Variants in ACOT12 observed in about 807,000 individuals in gnomAD.
ACOT12 encodes acetyl-coenzyme A thioesterase.
A neutral mutation model predicts 67.7 loss-of-function variants in ACOT12; 51 were observed. That is an observed-to-expected ratio of 0.75 (90% CI 0.60 to 0.95). The LOEUF (loss-of-function observed/expected upper bound fraction) is 0.95, where lower values mean the gene tolerates loss of function less well. Among genes scored for constraint, ACOT12 ranks in the 40% least tolerant of loss-of-function variants. The pLI is 0.00. For missense variants in ACOT12, 734 were observed against 708.1 expected (o/e 1.04, Z -0.41); for synonymous variants, 251 against 244.6 (o/e 1.03, Z -0.24).
intron 3 of ACOT12, among the ~76,000 whole-genome samples, chr5:81,366,847 A>G (rs909403154): frequency 6.6e-6 from 1 of 152,328 alleles, no homozygotes. Flanking sequence ...CACAGAATGT[A>G]GCATGAAGAG....
At chr5:81,354,701 T>C (rs1294234273) in intron 5 of ACOT12, among the ~76,000 whole-genome samples, 1 of 133,048 alleles carries the variant, frequency 7.5e-6, no homozygotes, top group Non-Finnish European at 1.7e-5. Context: ...TTATCAATTA[T>C]GTCTTTTTTT....
intron 1 of ACOT12, among the ~76,000 whole-genome samples, chr5:81,386,994 CATTTTTTTTTTTTTT>C (rs373297773): frequency 7.8e-6 from 1 of 128,480 alleles, no homozygotes; most frequent in African/African-American, 3.2e-5. Flanking sequence ...GGATGAGTTC[CATTTTTTTTTTTTTT>C]TTTTTTTTTC....
At chr5:81,332,088 G>A (rs563501621) in intron 13 of ACOT12, among the ~76,000 whole-genome samples, 17 of 152,298 alleles carry the variant, frequency 1.1e-4, no homozygotes, top group East Asian at 5.8e-4. Context: ...TACTCTGATC[G>A]ACAGCCCCAG....
intron 12 of ACOT12, among the ~76,000 whole-genome samples, chr5:81,334,559 C>T (rs528486867): frequency 3.9e-5 from 6 of 152,334 alleles, no homozygotes; most frequent in African/African-American, 1.4e-4. Flanking sequence ...GCCAATGTAA[C>T]ACGTGACCTC....
Position 81,346,097 on chromosome 5 carries a change from T to C in ACOT12, c.654-93A>G, listed in dbSNP as rs867971390. Reference sequence around the variant, plus strand: ...ACAAGTCTTCAAATAAGCATTTCTTTAAATTTGACTGAAATAAATAACTGG... The same window carrying C: ...ACAAGTCTTCAAATAAGCATTTCTTCAAATTTGACTGAAATAAATAACTGG... On this transcript the variant is annotated intron_variant, in intron 6 of 14. Coordinates refer to ENST00000307624, the MANE Select transcript of ACOT12 (RefSeq NM_130767.3). 2.6e-6 allele frequency: 4 copies of C among 1,532,742 alleles called. No individual in the cohort carries two copies. In the Middle Eastern group the frequency reaches 7.1e-4, roughly 271 times the overall value. 94.9% of individuals were successfully genotyped at this position (1,532,742 alleles called of 1,614,324 possible). A position where few individuals can be genotyped will look rare whatever the true frequency, so the allele number is the denominator to read the frequency against.
the ACOT12 span, among the ~76,000 whole-genome samples, chr5:81,310,973 TCCTACTTCTCAAGG>T: frequency 1.3e-5 from 2 of 152,216 alleles, no homozygotes; most frequent in South Asian, 4.1e-4. Flanking sequence ...CATTTCTTTT[TCCTACTTCTCAAGG>T]CCAGGTGCAA....
chr5:81,347,825 A>G lies in ACOT12; in HGVS notation c.602T>C (p.Phe201Ser). ...PPHANHHGNT[F>S]GGQIMAWMET... ...CATCCACGCCATAATCTGGCCACCA[A>G]ATGTATTTCCGTGATGGTTTGCATG... is the stretch of plus-strand genomic sequence containing the variant. The change falls in exon 6 of 15, where the codon TTT (phenylalanine) becomes TCT (serine). Residue 201 changes from phenylalanine to serine, a missense_variant. Coordinates refer to ENST00000307624, the MANE Select transcript of ACOT12 (RefSeq NM_130767.3). 1 of 1,614,138 alleles carries G rather than the reference A, an allele frequency of 6.2e-7. No individual in the cohort carries two copies. The highest frequency in any genetic ancestry group is 8.5e-7 in the Non-Finnish European group (1 of 1,180,014).
At chr5:81,357,360 G>C (rs556902595) in intron 5 of ACOT12, among the ~76,000 whole-genome samples, 9 of 152,286 alleles carry the variant, frequency 5.9e-5, no homozygotes, top group African/African-American at 2.2e-4. Context: ...TGGCAAGCAG[G>C]TTCCTGGCAC....
the ACOT12 span, among the ~76,000 whole-genome samples, chr5:81,320,156 A>G: frequency 6.6e-6 from 1 of 152,240 alleles, no homozygotes; most frequent in Non-Finnish European, 1.5e-5. Flanking sequence ...TTAAAAGCAT[A>G]ACTGAGTTTA....
the ACOT12 span, chr5:81,311,122 A>C: frequency 7.7e-7 from 1 of 1,292,010 alleles, no homozygotes; most frequent in Non-Finnish European, 1.1e-6. Flanking sequence ...CAGGGTTGTG[A>C]GGATCCAGTA....
intron 3 of ACOT12, among the ~76,000 whole-genome samples, chr5:81,371,028 C>T (rs1033923412): frequency 2.0e-5 from 3 of 152,096 alleles, no homozygotes; most frequent in African/African-American, 7.2e-5. Context: ...TCCAGTTATC[C>T]TGCTTTTAAA....
chr5:81,329,837 CA>C (rs1758758956), downstream of ACOT12, among the ~76,000 whole-genome samples: 1 of 151,472 alleles, frequency 6.6e-6, no homozygotes, highest in East Asian at 1.9e-4. Context: ...TTAAATGACA[CA>C]AAGTTGTTCT....
rs1236561325 is a variant in ACOT12, at chr5:81,330,556, G to C, written c.1519-13C>G. 6.2e-7 allele frequency: 1 copy of C among 1,612,022 alleles called. No homozygotes were observed. The highest frequency in any genetic ancestry group is 1.1e-5 in the South Asian group (1 of 90,878). Reference sequence around the variant, plus strand: ...TAAAGTAAGATACCTGTTTCAAAAAGAAAGTACAATATTTTAATTTCTTAT... The same window carrying C: ...TAAAGTAAGATACCTGTTTCAAAAACAAAGTACAATATTTTAATTTCTTAT... On this transcript the variant is annotated splice_polypyrimidine_tract_variant and intron_variant, in intron 14 of 14. Coordinates refer to ENST00000307624, the MANE Select transcript of ACOT12 (RefSeq NM_130767.3).
At chr5:81,368,931 T>C (rs1271185581) in intron 3 of ACOT12, among the ~76,000 whole-genome samples, 1 of 151,696 alleles carries the variant, frequency 6.6e-6, no homozygotes, top group Non-Finnish European at 1.5e-5. Context: ...GGTACTGACC[T>C]GAAGTAAATG....
chr5:81,371,785 C>T lies in ACOT12; in HGVS notation c.223G>A (p.Ala75Thr). 1.2e-6 allele frequency: 2 copies of T among 1,614,118 alleles called. No homozygotes were observed. Among genetic ancestry groups the T allele is most frequent in the East Asian group, 2.2e-5 (1 of 44,876 alleles). ...ARVGQVITIK[A>T]KVTRAFSTSM... ...GTGCTGAATGCTCTAGTAACTTTTGCTTTGATGGTTATAACTTGTCCAACT... is the reference window on the plus strand; with the variant it reads ...GTGCTGAATGCTCTAGTAACTTTTGTTTTGATGGTTATAACTTGTCCAACT... Residue 75 changes from alanine (A) to threonine (T), a missense_variant, in exon 3 of 15, where the codon GCA becomes ACA. Coordinates refer to ENST00000307624, the MANE Select transcript of ACOT12 (RefSeq NM_130767.3).
chr5:81,363,340 C>T (rs1759976482), intron 4 of ACOT12, among the ~76,000 whole-genome samples: 1 of 152,170 alleles, frequency 6.6e-6, no homozygotes, highest in African/African-American at 2.4e-5. Flanking sequence ...AATAACTCAG[C>T]AATGTTGACA....
At chr5:81,332,115 G>A (rs1758847434) in intron 13 of ACOT12, among the ~76,000 whole-genome samples, 1 of 152,220 alleles carries the variant, frequency 6.6e-6, no homozygotes, top group Non-Finnish European at 1.5e-5. Flanking sequence ...ACCAGCCATG[G>A]TGGATGTCTA....
the ACOT12 span, chr5:81,308,843 A>G: frequency 1.5e-6 from 2 of 1,377,432 alleles, no homozygotes. Flanking sequence ...TTAAATTTTA[A>G]GTTATGTAAA....
intron 5 of ACOT12, among the ~76,000 whole-genome samples, chr5:81,350,888 C>T (rs980072368): frequency 6.6e-6 from 1 of 152,174 alleles, no homozygotes; most frequent in Non-Finnish European, 1.5e-5. Flanking sequence ...CCTGATCCAA[C>T]CTTCTCCCTC....
Sources: gnomAD v4.1 joint callset for allele counts (sites outside exome capture counted in the v4.1 genomes callset) on GRCh38, gnomAD v4.1.1 for gene constraint, MANE v1.5 for transcripts, NCBI Gene and HGNC (gene_info 2026-07-23, HGNC 2026-07-21) for gene names.